MAPK4: variants seen among roughly 807,000 people sequenced by gnomAD.
The protein encoded by MAPK4 is mitogen-activated protein kinase 4, also known as Erk3-related.
Under a neutral mutation model 47.7 loss-of-function variants are expected in MAPK4, and 22 were observed. The ratio of observed to expected loss-of-function variants is 0.46; its 90% CI spans 0.33 to 0.66. MAPK4 has a LOEUF of 0.66. Ranked by LOEUF, MAPK4 falls within the 30% of genes least tolerant of loss-of-function variation. MAPK4 has a pLI of 0.02. For synonymous variants in MAPK4, 390 were observed against 365.7 expected (o/e 1.07, Z -0.76); for missense variants, 736 against 831.7 (o/e 0.88, Z 1.42).
At chr18:50,566,745 T>C (rs985796372) in intron 1 of MAPK4, among the ~76,000 whole-genome samples, 2 of 152,250 alleles carry the variant, frequency 1.3e-5, no homozygotes, top group Non-Finnish European at 2.9e-5. Context: ...ATTGCTTTTT[T>C]TGTATCATCT....
At chr18:50,668,394 C>T (rs1907729924) in intron 2 of MAPK4, among the ~76,000 whole-genome samples, 1 of 152,180 alleles carries the variant, frequency 6.6e-6, no homozygotes, top group African/African-American at 2.4e-5. Flanking sequence ...TGGGCACGTG[C>T]CCATTAGGTT....
At chr18:50,704,792 G>T in intron 2 of MAPK4, 1 of 398,606 alleles carries the variant, frequency 2.5e-6, no homozygotes, top group South Asian at 1.3e-4. Context: ...CTGTGGAGCA[G>T]GGACAATGAC....
chr18:50,725,641 T>A (rs1479670897), intron 4 of MAPK4, among the ~76,000 whole-genome samples: 1 of 152,096 alleles, frequency 6.6e-6, no homozygotes, highest in Non-Finnish European at 1.5e-5. Flanking sequence ...CTTGCTGGGA[T>A]CCCCCACCAC....
At chr18:50,667,606 C>T (rs1366667197) in intron 2 of MAPK4, among the ~76,000 whole-genome samples, 1 of 152,178 alleles carries the variant, frequency 6.6e-6, no homozygotes. Context: ...ACCATGCTCA[C>T]CTGGGCTGCA....
chr18:50,563,058 A>G (rs2042167877), intron 1 of MAPK4, among the ~76,000 whole-genome samples: 2 of 152,166 alleles, frequency 1.3e-5, no homozygotes, highest in Non-Finnish European at 2.9e-5. Context: ...CCTCTCTTTT[A>G]AATTCTTTAT....
chr18:50,581,758 T>A (rs892882308), intron 1 of MAPK4, among the ~76,000 whole-genome samples: 2 of 152,100 alleles, frequency 1.3e-5, no homozygotes, highest in Admixed American at 1.3e-4. Context: ...TGGTGAAGGG[T>A]TGAGATCCAA....
At chr18:50,653,496 C>T (rs1182791057) in intron 1 of MAPK4, among the ~76,000 whole-genome samples, 1 of 152,202 alleles carries the variant, frequency 6.6e-6, no homozygotes, top group East Asian at 1.9e-4. Flanking sequence ...CAAGGATGCT[C>T]AAGAGTGCTC....
intron 2 of MAPK4, among the ~76,000 whole-genome samples, chr18:50,691,678 A>T (rs1268565589): frequency 1.3e-5 from 2 of 152,190 alleles, no homozygotes; most frequent in African/African-American, 4.8e-5. Flanking sequence ...TATGGAAAAG[A>T]GACATTTAGC....
At chr18:50,605,590 G>T (rs983133323) in intron 1 of MAPK4, among the ~76,000 whole-genome samples, 1 of 152,222 alleles carries the variant, frequency 6.6e-6, no homozygotes, top group African/African-American at 2.4e-5. Context: ...TAACTGGGCA[G>T]TTTGCCGATC....
intron 1 of MAPK4, among the ~76,000 whole-genome samples, chr18:50,646,277 C>T (rs1030733152): frequency 6.6e-6 from 1 of 152,260 alleles, no homozygotes; most frequent in African/African-American, 2.4e-5. Flanking sequence ...CCCTGAAGCT[C>T]TTCCTCCATG....
intron 1 of MAPK4, among the ~76,000 whole-genome samples, chr18:50,641,488 T>A (rs6508022): frequency 0.97 from 147,922 of 152,276 alleles, 71,854 homozygotes; most frequent in East Asian, 1. Context: ...AACTTCAAAA[T>A]ATATATATAC....
chr18:50,636,249 C>T (rs907848827), intron 1 of MAPK4, among the ~76,000 whole-genome samples: 2 of 152,206 alleles, frequency 1.3e-5, no homozygotes, highest in Non-Finnish European at 1.5e-5. Context: ...AGGGTCACTT[C>T]CTTGTAAGTT....
chr18:50,603,662 T>C (rs953047798), intron 1 of MAPK4, among the ~76,000 whole-genome samples: 1 of 151,974 alleles, frequency 6.6e-6, no homozygotes, highest in Admixed American at 6.5e-5. Context: ...CAAACTAGTT[T>C]GTATATACAA....
intron 1 of MAPK4, among the ~76,000 whole-genome samples, chr18:50,585,886 AACTC>A (rs1488689620): frequency 6.6e-6 from 1 of 152,144 alleles, no homozygotes; most frequent in African/African-American, 2.4e-5. Flanking sequence ...ATCTCGTGAG[AACTC>A]ACTCACTGTC....
intron 1 of MAPK4, among the ~76,000 whole-genome samples, chr18:50,660,194 G>A (rs1598879524): frequency 6.6e-6 from 1 of 152,228 alleles, no homozygotes; most frequent in East Asian, 1.9e-4. Context: ...AGAAAATGAA[G>A]AGGCTTGAGA....
intron 2 of MAPK4, among the ~76,000 whole-genome samples, chr18:50,714,255 T>A (rs1910519274): frequency 6.6e-6 from 1 of 152,206 alleles, no homozygotes; most frequent in Non-Finnish European, 1.5e-5. Context: ...CAAATGGACA[T>A]TTCCCAGATG....
chr18:50,562,348 G>T lies in MAPK4; in HGVS notation c.-871+2105G>T, dbSNP rs372297686. Reference sequence around the variant, plus strand: ...AAAAGTCTGCCTCTTACAAACCCTGGCTATATCACCCTCTTGTTTCTAACT... The same window carrying T: ...AAAAGTCTGCCTCTTACAAACCCTGTCTATATCACCCTCTTGTTTCTAACT... On this transcript the variant is annotated intron_variant, in intron 1 of 5. Transcript: ENST00000400384. 1.6e-4 allele frequency among the ~76,000 whole-genome samples: 24 copies of T among 151,212 alleles called. No homozygotes were observed. In the East Asian group the frequency reaches 3.7e-3, roughly 23 times the overall value.
chr18:50,622,441 T>C (rs1419176233), intron 1 of MAPK4, among the ~76,000 whole-genome samples: 1 of 152,156 alleles, frequency 6.6e-6, no homozygotes, highest in Admixed American at 6.5e-5. Flanking sequence ...TATTTTCCTA[T>C]CCTTGGCTGC....
intron 1 of MAPK4, among the ~76,000 whole-genome samples, chr18:50,642,015 A>G (rs2042945369): frequency 6.6e-6 from 1 of 152,236 alleles, no homozygotes; most frequent in African/African-American, 2.4e-5. Flanking sequence ...ACATTTTTAC[A>G]TGTAAAACAA....
Sources: gnomAD v4.1 joint callset for allele counts (sites outside exome capture counted in the v4.1 genomes callset) on GRCh38, gnomAD v4.1.1 for gene constraint, MANE v1.5 for transcripts, NCBI Gene and HGNC (gene_info 2026-07-23, HGNC 2026-07-21) for gene names.